Variants in MALRD1 observed in about 807,000 individuals in gnomAD.
MALRD1 encodes the protein MAM and LDL receptor class A domain containing 1.
In MALRD1, 247 loss-of-function variants were observed where a neutral mutation model predicts 242.1. That is an observed-to-expected ratio of 1.02 (90% CI 0.92 to 1.13). The LOEUF (loss-of-function observed/expected upper bound fraction) is 1.13. MALRD1 is among the 50% of genes most tolerant of loss of function. MALRD1 has a pLI of 0.00. For synonymous variants in MALRD1, 995 were observed against 866.6 expected (o/e 1.15, Z -2.60); for missense variants, 2,989 against 2,533.1 (o/e 1.18, Z -3.86).
chr10:19,245,979 G>T (rs1268214895), intron 18 of MALRD1, among the ~76,000 whole-genome samples: 1 of 152,126 alleles, frequency 6.6e-6, no homozygotes, highest in African/African-American at 2.4e-5. Flanking sequence ...TAACTTAAAT[G>T]CAGTCAGTGG....
chr10:19,574,793 A>T (rs552558401), intron 33 of MALRD1, among the ~76,000 whole-genome samples: 2 of 152,216 alleles, frequency 1.3e-5, no homozygotes, highest in Non-Finnish European at 2.9e-5. Flanking sequence ...CAGAAGGCAC[A>T]GGGCATGACA....
At chr10:19,132,176 T>C (rs1833136570) in intron 8 of MALRD1, among the ~76,000 whole-genome samples, 3 of 152,210 alleles carry the variant, frequency 2.0e-5, no homozygotes, top group Non-Finnish European at 4.4e-5. Context: ...ACAATAGCTC[T>C]AAATTATTTT....
At chr10:19,407,846 G>A (rs1460707676) in intron 28 of MALRD1, among the ~76,000 whole-genome samples, 1 of 152,116 alleles carries the variant, frequency 6.6e-6, no homozygotes, top group African/African-American at 2.4e-5. Context: ...TTCCTCCTTT[G>A]TATGTTCTTT....
chr10:19,642,572 G>A (rs948344584), intron 36 of MALRD1, among the ~76,000 whole-genome samples: 1 of 152,140 alleles, frequency 6.6e-6, no homozygotes, highest in African/African-American at 2.4e-5. Context: ...AAAATTAGCA[G>A]TACAGTAACT....
intron 26 of MALRD1, among the ~76,000 whole-genome samples, chr10:19,373,388 G>T (rs900783610): frequency 2.0e-5 from 3 of 151,800 alleles, no homozygotes; most frequent in Non-Finnish European, 4.4e-5. Flanking sequence ...TGGTGGTGGC[G>T]GGTGCCTGTA....
intron 31 of MALRD1, among the ~76,000 whole-genome samples, chr10:19,530,705 T>C (rs1834375756): frequency 6.6e-6 from 1 of 151,762 alleles, no homozygotes; most frequent in Middle Eastern, 3.2e-3. Context: ...AAAGAAATAG[T>C]GTATTACCCA....
chr10:19,530,400 A>ATATAAATTTATATAAATAT (rs1564417264), intron 31 of MALRD1, among the ~76,000 whole-genome samples: 2 of 84,216 alleles, frequency 2.4e-5, no homozygotes, highest in Non-Finnish European at 4.1e-5. Context: ...TTATATAAAT[A>ATATAAATTTATATAAATAT]TTATATATTT....
At chr10:19,232,017 A>G (rs1838101315) in intron 18 of MALRD1, among the ~76,000 whole-genome samples, 1 of 152,160 alleles carries the variant, frequency 6.6e-6, no homozygotes, top group Non-Finnish European at 1.5e-5. Flanking sequence ...TCTTTTATAG[A>G]GAAAATAAGG....
In MALRD1 at chr10:19,539,908, GTGCGCGCACA is replaced by G. The variant is rs144886790; in HGVS notation, c.5478+8558_5478+8567del. On this transcript the variant is annotated intron_variant, in intron 32 of 39. Coordinates refer to ENST00000454679, the MANE Select transcript of MALRD1 (RefSeq NM_001142308.3). ...TGTGTGTGTGTGTGTGCGCGCGCGCGTGCGCGCACACACGCGCAGTGATGGGGTTTTGCCA... is the reference window on the plus strand; with the variant it reads ...TGTGTGTGTGTGTGTGCGCGCGCGCGCACGCGCAGTGATGGGGTTTTGCCA... Among the ~76,000 whole-genome samples the G allele has an allele frequency of 3.3e-4, 8 of 24,252 alleles. No homozygotes were observed. In the East Asian group the frequency reaches 5.5e-3, roughly 17 times the overall value. 15.9% of individuals were successfully genotyped at this position (24,252 alleles called of 152,430 possible). A position where few individuals can be genotyped will look rare whatever the true frequency, so the allele number is the denominator to read the frequency against.
At chr10:19,586,475 G>A (rs1327608969) in intron 33 of MALRD1, among the ~76,000 whole-genome samples, 1 of 152,130 alleles carries the variant, frequency 6.6e-6, no homozygotes, top group Non-Finnish European at 1.5e-5. Flanking sequence ...GTCTGTTGGA[G>A]TACCCGGCCG....
At chr10:19,252,712 A>G (rs1839348161) in intron 18 of MALRD1, among the ~76,000 whole-genome samples, 1 of 151,986 alleles carries the variant, frequency 6.6e-6, no homozygotes, top group Non-Finnish European at 1.5e-5. Flanking sequence ...TATGGCACTT[A>G]TGACCCTTGT....
intron 33 of MALRD1, among the ~76,000 whole-genome samples, chr10:19,569,477 A>C (rs1190735559): frequency 2.0e-5 from 3 of 150,390 alleles, no homozygotes; most frequent in Non-Finnish European, 3.0e-5. Context: ...TATCTCAGGA[A>C]AAAAAAATCT....
At chr10:19,683,932 C>T (rs542857591) in intron 36 of MALRD1, among the ~76,000 whole-genome samples, 95 of 152,146 alleles carry the variant, frequency 6.2e-4, no homozygotes, top group African/African-American at 2.2e-3. Context: ...TCCCCTTGTC[C>T]CTCACCCCCC....
At position 19,120,808 on chromosome 10, in the gene MALRD1, G is replaced by A. The variant is rs1343974918; in HGVS notation, c.695-2684G>A. 3.9e-5 allele frequency among the ~76,000 whole-genome samples: 6 copies of A among 152,138 alleles called. No individual in the cohort carries two copies. The South Asian group carries it at 8.3e-4, about 21-fold the overall frequency. ...TGCCCAAGCTGGAGTGCAGTGGCAC[G>A]ATCTCAGTTCACTGCAACCCTGCCT... is the stretch of plus-strand genomic sequence containing the variant. On this transcript the variant is annotated intron_variant, in intron 5 of 39. Transcript: ENST00000454679.
intron 21 of MALRD1, among the ~76,000 whole-genome samples, chr10:19,315,750 AATATGTAATAT>A (rs1262128581): frequency 7.1e-6 from 1 of 140,132 alleles, no homozygotes; most frequent in African/African-American, 2.6e-5. Context: ...ATATATATCT[AATATGTAATAT>A]ATATGTATAT....
chr10:19,597,116 A>C (rs993614859), intron 34 of MALRD1, among the ~76,000 whole-genome samples: 1 of 152,136 alleles, frequency 6.6e-6, no homozygotes, highest in South Asian at 2.1e-4. Flanking sequence ...TCCTACCTAT[A>C]TATTCTCTCT....
intron 36 of MALRD1, among the ~76,000 whole-genome samples, chr10:19,635,275 G>A (rs1312500291): frequency 2.0e-5 from 3 of 152,106 alleles, no homozygotes; most frequent in Non-Finnish European, 2.9e-5. Flanking sequence ...GAGACAGAAA[G>A]TGAAATCAGC....
At chr10:19,666,657 C>T (rs959941696) in intron 36 of MALRD1, among the ~76,000 whole-genome samples, 1 of 152,216 alleles carries the variant, frequency 6.6e-6, no homozygotes, top group Middle Eastern at 3.4e-3. Flanking sequence ...AACTTTACTT[C>T]GAAATGAACC....
chr10:19,438,666 AT>A (rs1398567635), intron 28 of MALRD1, among the ~76,000 whole-genome samples: 1 of 152,070 alleles, frequency 6.6e-6, no homozygotes, highest in African/African-American at 2.4e-5. Context: ...AACACTTGTT[AT>A]TTTGTTTTAT....
Sources: gnomAD v4.1 joint callset for allele counts (sites outside exome capture counted in the v4.1 genomes callset) on GRCh38, gnomAD v4.1.1 for gene constraint, MANE v1.5 for transcripts, NCBI Gene and HGNC (gene_info 2026-07-23, HGNC 2026-07-21) for gene names.